VPS28: variants seen among roughly 807,000 people sequenced by gnomAD.
VPS28 encodes VPS28 subunit of ESCRT-I.
A neutral mutation model predicts 33.7 loss-of-function variants in VPS28; 29 were observed. That is an observed-to-expected ratio of 0.86 (90% CI 0.64 to 1.17). The LOEUF (loss-of-function observed/expected upper bound fraction) is 1.17, where lower values mean the gene tolerates loss of function less well. Ranked by LOEUF, VPS28 falls within the 50% of genes most tolerant of loss-of-function variation. The pLI is 0.00. For missense variants in VPS28, 247 were observed against 312.2 expected (o/e 0.79, Z 1.57); for synonymous variants, 164 against 116.7 (o/e 1.40, Z -2.61).
intron 5 of VPS28, 121 bp from the exon 6 acceptor site, chr8:144,425,172 G>T: frequency 1.2e-6 from 1 of 847,432 alleles, no homozygotes; most frequent in Non-Finnish European, 1.9e-6. Context: ...GCAAAGGCAG[G>T]CCGAGCAAGG....
chr8:144,423,714 G>T lies in VPS28; in HGVS notation c.*91C>A. 1 of 1,513,436 alleles carries T rather than the reference G, an allele frequency of 6.6e-7. No homozygotes were observed. Among genetic ancestry groups the T allele is most frequent in the Non-Finnish European group, 9.1e-7 (1 of 1,101,570 alleles). The allele number at this position is 1,513,436 out of a possible 1,614,324, so 93.8% of individuals were successfully genotyped here. On this transcript the variant is annotated 3_prime_UTR_variant, in exon 10 of 10. Transcript: ENST00000292510. ...GACAGGCAGCTGCAGACAGTGAGTT[G>T]TGTGGATGACCACGGCCTGTGTGGC...
At chr8:144,426,759 C>G (rs1554876880) in intron 2 of VPS28, 150 bp downstream of exon 2, 1 of 783,748 alleles carries the variant, frequency 1.3e-6, no homozygotes, top group Middle Eastern at 2.4e-4. Context: ...CCTCAGTGCT[C>G]CTGCAATGAA....
At chr8:144,426,115 C>G in intron 3 of VPS28, 52 bp from the exon 4 acceptor site, 1 of 1,571,422 alleles carries the variant, frequency 6.4e-7, no homozygotes, top group Non-Finnish European at 8.6e-7. Flanking sequence ...GCTGCAGGAC[C>G]CTGGTGAGGC....
Position 144,426,222 on chromosome 8 carries a change from C to T in VPS28, c.38-14G>A. On this transcript the variant is annotated splice_polypyrimidine_tract_variant and intron_variant, in intron 2 of 9. Transcript: ENST00000292510. Reference sequence around the variant, plus strand: ...TGTTCCCAGGGGCTGCAAGAGAAGGCAGAGAGCTGGCAGGCTGGCCCCAAA... The same window carrying T: ...TGTTCCCAGGGGCTGCAAGAGAAGGTAGAGAGCTGGCAGGCTGGCCCCAAA... 1 of 1,596,726 alleles carries T rather than the reference C, an allele frequency of 6.3e-7. No homozygotes were observed. The highest frequency in any genetic ancestry group is 8.5e-7 in the Non-Finnish European group (1 of 1,171,854).
At chr8:144,427,327 C>A (rs573749591) in intron 1 of VPS28, 7 of 174,140 alleles carry the variant, frequency 4.0e-5, no homozygotes, top group East Asian at 1.7e-4. Context: ...ACAAAAAAAA[C>A]CGACAAAAAA....
chr8:144,425,328 CACA>C (rs1822658331), intron 5 of VPS28: 1 of 579,830 alleles, frequency 1.7e-6, no homozygotes, highest in Non-Finnish European at 3.1e-6. Context: ...TGGCCGCATC[CACA>C]GCTCATGGTC....
At position 144,424,961 on chromosome 8, in the gene VPS28, G is replaced by A. The variant is rs147291267; in HGVS notation, c.285C>T (p.Phe95=). 52 of 1,571,186 alleles carry A rather than the reference G, an allele frequency of 3.3e-5. No homozygotes were observed. Among genetic ancestry groups the A allele is most frequent in the East Asian group, 2.8e-4 (12 of 42,702 alleles). ...QGSEISSIDE[F]CRKFRLDCPL... ...AGGCACTCACGCGGAACTTGCGGCAGAATTCGTCAATAGAGCTGATTTCTG... is the reference window on the plus strand; with the variant it reads ...AGGCACTCACGCGGAACTTGCGGCAAAATTCGTCAATAGAGCTGATTTCTG... Residue 95 remains phenylalanine (F), a synonymous_variant, in exon 6 of 10, where the codon TTC becomes TTT. Transcript: ENST00000292510.
intron 2 of VPS28, 136 bp downstream of exon 2, chr8:144,426,773 T>C (rs1554876884): frequency 3.2e-6 from 3 of 935,484 alleles, no homozygotes; most frequent in Middle Eastern, 4.4e-4. Context: ...CAATGAACTA[T>C]TTAGCCCCTG....
At chr8:144,424,339 A>G in intron 7 of VPS28, 71 bp from the exon 8 acceptor site, 1 of 1,516,132 alleles carries the variant, frequency 6.6e-7, no homozygotes, top group Non-Finnish European at 8.8e-7. Context: ...ACGGGCCCCA[A>G]CCCCTCCTCA....
intron 2 of VPS28, 54 bp from the exon 3 acceptor site, chr8:144,426,262 A>G: frequency 6.5e-7 from 1 of 1,538,602 alleles, no homozygotes; most frequent in Non-Finnish European, 8.7e-7. Flanking sequence ...ACCCAAGGGC[A>G]GACTCCAGTC....
intron 7 of VPS28, 105 bp from the exon 8 acceptor site, chr8:144,424,373 C>T (rs1472382759): frequency 1.4e-6 from 2 of 1,411,012 alleles, no homozygotes; most frequent in Non-Finnish European, 1.9e-6. Flanking sequence ...CTTGGGCCTC[C>T]TCACTGTACT....
chr8:144,425,453 G>C lies in VPS28; in HGVS notation c.194+230C>G, dbSNP rs1382157903. On this transcript the variant is annotated intron_variant, in intron 5 of 9. Coordinates refer to ENST00000292510, the MANE Select transcript of VPS28 (RefSeq NM_016208.4). ...TTTTTTAAGGTTGCCTGTGCTGGGG[G>C]ATGAGGGTGGGGGAGTGGGCCGGAT... 3 of 589,102 alleles carry C rather than the reference G, an allele frequency of 5.1e-6. No individual in the cohort carries two copies. In the African/African-American group the frequency reaches 5.6e-5, roughly 11 times the overall value. 36.5% of individuals were successfully genotyped at this position (589,102 alleles called of 1,614,324 possible).
chr8:144,426,327 CCAGAGGGAGCTGGAGCA>C (rs1382103705), intron 2 of VPS28, 119 bp from the exon 3 acceptor site: 3 of 1,345,784 alleles, frequency 2.2e-6, no homozygotes, highest in African/African-American at 3.0e-5. Flanking sequence ...CCCAAAGAGC[CCAGAGGGAGCTGGAGCA>C]CAGAGGTTCC....
intron 2 of VPS28, 127 bp downstream of exon 2, chr8:144,426,782 T>C (rs1228997375): frequency 2.8e-6 from 3 of 1,058,922 alleles, no homozygotes; most frequent in African/African-American, 3.2e-5. Flanking sequence ...ATTTAGCCCC[T>C]GGCCACCCCC....
intron 5 of VPS28, chr8:144,425,318 T>C (rs1822657752): frequency 8.6e-6 from 5 of 578,960 alleles, no homozygotes; most frequent in African/African-American, 3.7e-5. Flanking sequence ...TCTGTTGTGA[T>C]GGCCGCATCC....
rs782428289 is a variant in VPS28 at position 144,425,725 on chromosome 8, G to A, written c.152C>T (p.Ala51Val). The A allele has an allele frequency of 1.9e-6, 3 of 1,613,884 alleles. No individual in the cohort carries two copies. Among genetic ancestry groups the A allele is most frequent in the Admixed American group, 1.7e-5 (1 of 60,014 alleles). ...ELFAVVKTMQ[A>V]LEKAYIKDCV... is the part of the protein sequence containing the mutation. ...GTCCTTGATGTAGGCCTTCTCCAGG[G>A]CTTGCATTGTCTTCACCACCGCAAA... Residue 51 changes from alanine (A) to valine (V), a missense_variant, in exon 5 of 10, where the codon GCC becomes GTC. Ala to Val is a moderately conservative substitution (Grantham distance 64, BLOSUM62 0). This residue lies in a region of VPS28 where 149 missense variants were observed against 172.8 expected (regional missense o/e 0.86). Coordinates refer to ENST00000292510, the MANE Select transcript of VPS28 (RefSeq NM_016208.4).
chr8:144,423,888 C>G lies in VPS28; in HGVS notation c.583G>C (p.Glu195Gln). The G allele has an allele frequency of 6.2e-7, 1 of 1,613,150 alleles. No individual in the cohort carries two copies. Among genetic ancestry groups the G allele is most frequent in the Middle Eastern group, 1.6e-4 (1 of 6,062 alleles). Residue 195 changes from glutamate to glutamine, a missense_variant, in exon 10 of 10, where the codon GAG becomes CAG. Glu to Gln is a conservative substitution (Grantham distance 29, BLOSUM62 2). Transcript: ENST00000292510. ...QTLSGMSASD[E>Q]LDDSQVRQML... ...TGACGCACCTGTGAGTCGTCCAGCTCATCTGACGCCGACATGCCGCTCAGG... is the reference window on the plus strand; with the variant it reads ...TGACGCACCTGTGAGTCGTCCAGCTGATCTGACGCCGACATGCCGCTCAGG...
In VPS28 at chr8:144,425,753, G is replaced by A. The variant is rs1822687049; in HGVS notation, c.124C>T (p.Leu42=). Reference sequence around the variant, plus strand: ...TGCATTGTCTTCACCACCGCAAACAGCTCTGCCATGTTGTCGTACCTGAGG... The same window carrying A: ...TGCATTGTCTTCACCACCGCAAACAACTCTGCCATGTTGTCGTACCTGAGG... ...EREKYDNMAE[L]FAVVKTMQAL... Residue 42 remains leucine (L), a synonymous_variant, in exon 5 of 10, where the codon CTG becomes TTG. Coordinates refer to ENST00000292510, the MANE Select transcript of VPS28 (RefSeq NM_016208.4). 1 of 1,613,932 alleles carries A rather than the reference G, an allele frequency of 6.2e-7. No homozygotes were observed. The highest frequency in any genetic ancestry group is 8.5e-7 in the Non-Finnish European group (1 of 1,179,932).
At chr8:144,426,711 A>G (rs1554876869) in intron 2 of VPS28, 198 bp downstream of exon 2, 3 of 601,324 alleles carry the variant, frequency 5.0e-6, no homozygotes. Context: ...ATCTCTGCCC[A>G]GCAGGACCAA....
Sources: gnomAD v4.1 joint callset for allele counts on GRCh38, gnomAD v4.1.1 for gene constraint, gnomAD v4.1.1 regional missense constraint, MANE v1.5 for transcripts, NCBI Gene and HGNC (gene_info 2026-07-23, HGNC 2026-07-21) for gene names.